Variants in CSDC2 observed in about 807,000 individuals in gnomAD.
The protein encoded by CSDC2 is cold shock domain containing C2, also known as cold shock domain-containing protein C2.
CSDC2 carries 8 observed loss-of-function variants against 15.8 expected under a neutral mutation model. The ratio of observed to expected loss-of-function variants is 0.51; its 90% CI spans 0.30 to 0.92. The LOEUF (loss-of-function observed/expected upper bound fraction) is 0.92, where lower values mean the gene tolerates loss of function less well. CSDC2 is among the 40% of genes least tolerant of loss of function. The pLI is 0.07. For synonymous variants in CSDC2, 96 were observed against 92.3 expected, an observed-to-expected ratio of 1.04 and a Z score of -0.23; for missense variants, 195 against 213.3, an observed-to-expected ratio of 0.91 and a Z score of 0.53.
chr22:41,566,926 C>CAAA (rs573857754), intron 1 of CSDC2, among the ~76,000 whole-genome samples: 8 of 65,046 alleles, frequency 1.2e-4, no homozygotes, highest in African/African-American at 5.3e-5. Context: ...TCCTCCGTCT[C>CAAA]AAAAAAAAAA....
At position 41,571,964 on chromosome 22, in the gene CSDC2, C is replaced by T. The variant is rs372621846; in HGVS notation, c.-2C>T. On this transcript the variant is annotated 5_prime_UTR_variant, in exon 2 of 4. Coordinates refer to ENST00000306149, the MANE Select transcript of CSDC2 (RefSeq NM_014460.4). ...CCACCAGGCTCTCCTGCTGGCCCCA[C>T]CATGACTTCAGAGTCGACGTCACCC... 2 of 1,340,838 alleles carry T rather than the reference C, an allele frequency of 1.5e-6. No homozygotes were observed. The highest frequency in any genetic ancestry group is 3.1e-5 in the African/African-American group (2 of 65,212). The allele number at this position is 1,340,838 out of a possible 1,614,324, so 83.1% of individuals were successfully genotyped here. A position where few individuals can be genotyped will look rare whatever the true frequency, so the allele number is the denominator to read the frequency against.
At chr22:41,566,646 A>G (rs1432665458) in intron 1 of CSDC2, among the ~76,000 whole-genome samples, 36 of 136,914 alleles carry the variant, frequency 2.6e-4, no homozygotes, top group Admixed American at 4.0e-4. Flanking sequence ...AAAAAAAAAA[A>G]AGGGGGAGGG....
intron 1 of CSDC2, among the ~76,000 whole-genome samples, chr22:41,561,407 G>A (rs1444669935): frequency 6.6e-6 from 1 of 152,114 alleles, no homozygotes; most frequent in African/African-American, 2.4e-5. Flanking sequence ...GAGCATGTCT[G>A]TGTCTGTGTC....
At chr22:41,569,167 G>A (rs1048899551) in intron 1 of CSDC2, among the ~76,000 whole-genome samples, 10 of 152,244 alleles carry the variant, frequency 6.6e-5, no homozygotes, top group Non-Finnish European at 1.5e-4. Context: ...CACCCAGGTG[G>A]GGCAGGTGGC....
chr22:41,573,248 A>G lies in CSDC2; in HGVS notation c.177-407A>G, dbSNP rs555309386. ...TGGGTGCCTGTAATCCCAGCTACTC[A>G]GGAGGCTGAGGCATGAGAATTGCTT... On this transcript the variant is annotated intron_variant, in intron 2 of 3. Transcript: ENST00000306149. 5.3e-5 allele frequency among the ~76,000 whole-genome samples: 8 copies of G among 152,004 alleles called. No homozygotes were observed. In the East Asian group the frequency reaches 1.6e-3, roughly 30 times the overall value.
At chr22:41,568,953 CGCGTCT>C (rs1172432667) in intron 1 of CSDC2, among the ~76,000 whole-genome samples, 1 of 152,242 alleles carries the variant, frequency 6.6e-6, no homozygotes, top group African/African-American at 2.4e-5. Context: ...CCAGCTCAGC[CGCGTCT>C]CCCTGGTAAC....
intron 1 of CSDC2, among the ~76,000 whole-genome samples, chr22:41,561,623 G>A (rs567926734): frequency 1.4e-4 from 21 of 152,214 alleles, no homozygotes; most frequent in Non-Finnish European, 1.6e-4. Context: ...GGAAGGGACC[G>A]GCTGGGAAAG....
rs937109910 is a variant in CSDC2 at position 41,575,491 on chromosome 22, T to G, written c.*596T>G. Reference sequence around the variant, plus strand: ...AGGCCAGCCTTCCTTCCTGCTCTGCTCTCTCAGTGCCATGGAGAGGCAGGA... The same window carrying G: ...AGGCCAGCCTTCCTTCCTGCTCTGCGCTCTCAGTGCCATGGAGAGGCAGGA... On this transcript the variant is annotated 3_prime_UTR_variant, in exon 4 of 4. Transcript: ENST00000306149. 1 of 153,276 alleles carries G rather than the reference T, an allele frequency of 6.5e-6. No homozygotes were observed. The highest frequency in any genetic ancestry group is 2.4e-5 in the African/African-American group (1 of 41,450). The allele number at this position is 153,276 out of a possible 1,614,324, so 9.5% of individuals were successfully genotyped here. A position where few individuals can be genotyped will look rare whatever the true frequency, so the allele number is the denominator to read the frequency against.
At position 41,574,734 on chromosome 22, in the gene CSDC2, A is replaced by G; in HGVS notation, c.301A>G (p.Ile101Val). The G allele has an allele frequency of 1.2e-6, 2 of 1,613,602 alleles. No individual in the cohort carries two copies. The highest frequency in any genetic ancestry group is 1.7e-6 in the Non-Finnish European group (2 of 1,179,978). ...SEDIFVHVSD[I>V]EGEYVPVEGD... ...AATACCCCTCTTCCTGCCCGCCAGCATCGAGGGGGAGTACGTGCCAGTGGA... is the reference window on the plus strand; with the variant it reads ...AATACCCCTCTTCCTGCCCGCCAGCGTCGAGGGGGAGTACGTGCCAGTGGA... Residue 101 changes from isoleucine to valine, a missense_variant and splice_region_variant, in exon 4 of 4, where the codon ATC becomes GTC. Physicochemically the swap from Ile to Val is conservative, Grantham distance 29. Coordinates refer to ENST00000306149, the MANE Select transcript of CSDC2 (RefSeq NM_014460.4).
At chr22:41,568,647 G>T (rs1046427799) in intron 1 of CSDC2, among the ~76,000 whole-genome samples, 4 of 152,210 alleles carry the variant, frequency 2.6e-5, no homozygotes, top group African/African-American at 9.6e-5. Flanking sequence ...ATGGGCGACA[G>T]GGGAGAAGCC....
intron 1 of CSDC2, among the ~76,000 whole-genome samples, chr22:41,568,247 C>G (rs1471795890): frequency 3.5e-4 from 53 of 151,240 alleles, no homozygotes; most frequent in Non-Finnish European, 2.5e-4. Context: ...ACCTTAGCCT[C>G]CTGAGTAGCT....
At chr22:41,574,356 C>T (rs1032830311) in intron 3 of CSDC2, among the ~76,000 whole-genome samples, 4 of 152,232 alleles carry the variant, frequency 2.6e-5, no homozygotes, top group Admixed American at 6.5e-5. Context: ...ACCTCCACTT[C>T]CTGGGTTCAA....
Position 41,572,110 on chromosome 22 carries a change from C to T in CSDC2, c.145C>T (p.Leu49=). The stretch of plus-strand genomic sequence containing the variant: ...CCCACCTCGGGACCTACCCAGCCCT[C>T]TGCCCACCAAGCGGACCAGGACCTA... The part of the protein sequence containing the change: ...GVPPRDLPSP[L]PTKRTRTYSA... The change falls in exon 2 of 4, where the codon CTG becomes TTG. Residue 49 remains leucine, a synonymous_variant. Coordinates refer to ENST00000306149, the MANE Select transcript of CSDC2 (RefSeq NM_014460.4). The T allele has an allele frequency of 7.4e-7, 1 of 1,350,160 alleles. No homozygotes were observed. 83.6% of individuals were successfully genotyped at this position (1,350,160 alleles called of 1,614,324 possible). A position where few individuals can be genotyped will look rare whatever the true frequency, so the allele number is the denominator to read the frequency against.
chr22:41,562,615 G>C (rs1400358405), intron 1 of CSDC2, among the ~76,000 whole-genome samples: 1 of 152,102 alleles, frequency 6.6e-6, no homozygotes, highest in Non-Finnish European at 1.5e-5. Context: ...AGCCAGTCTG[G>C]AGTAGAGCCC....
chr22:41,574,263 ATTTTAT>A (rs897372885), intron 3 of CSDC2, among the ~76,000 whole-genome samples: 8 of 148,124 alleles, frequency 5.4e-5, no homozygotes, highest in African/African-American at 2.1e-4. Flanking sequence ...GTCCCATTTT[ATTTTAT>A]TTTATTTATT....
chr22:41,575,124 C>T lies in CSDC2; in HGVS notation c.*229C>T. Reference sequence around the variant, plus strand: ...AGGAGGTAGGTGGAGGGCAAGGCCACCAGACCTGGCTTCGCGCTGTCCACT... The same window carrying T: ...AGGAGGTAGGTGGAGGGCAAGGCCATCAGACCTGGCTTCGCGCTGTCCACT... On this transcript the variant is annotated 3_prime_UTR_variant, in exon 4 of 4. Coordinates refer to ENST00000306149, the MANE Select transcript of CSDC2 (RefSeq NM_014460.4). The T allele has an allele frequency of 1.0e-5, 6 of 596,722 alleles. No individual in the cohort carries two copies. The South Asian group carries it at 1.2e-4, about 12-fold the overall frequency. 37.0% of individuals were successfully genotyped at this position (596,722 alleles called of 1,614,324 possible). A position where few individuals can be genotyped will look rare whatever the true frequency, so the allele number is the denominator to read the frequency against.
At chr22:41,569,777 C>CTTTTT (rs372029264) in intron 1 of CSDC2, among the ~76,000 whole-genome samples, 2 of 107,936 alleles carry the variant, frequency 1.9e-5, no homozygotes, top group African/African-American at 3.6e-5. Context: ...TGTGTGGTTG[C>CTTTTT]TTTTTTTTTT....
In CSDC2 at chr22:41,573,771, T is replaced by G; in HGVS notation, c.293T>G (p.Val98Gly). 1 of 1,612,378 alleles carries G rather than the reference T, an allele frequency of 6.2e-7. No individual in the cohort carries two copies. The highest frequency in any genetic ancestry group is 8.5e-7 in the Non-Finnish European group (1 of 1,178,988). ...GGGTCCGAGGACATCTTCGTACATG[T>G]GTCTGAGTGAGTCCCCTCCACCTCC... ...ENGSEDIFVH[V>G]SDIEGEYVPV... Residue 98 changes from valine (V) to glycine (G), a missense_variant, in exon 3 of 4, where the codon GTG (valine) becomes GGG (glycine). Val to Gly is a moderately radical substitution (Grantham distance 109). Transcript: ENST00000306149.
At chr22:41,566,143 T>TAAAAA (rs35579661) in intron 1 of CSDC2, among the ~76,000 whole-genome samples, 1 of 103,288 alleles carries the variant, frequency 9.7e-6, no homozygotes, top group African/African-American at 3.8e-5. Flanking sequence ...CATCTCTGAT[T>TAAAAA]AAAAAAAAAA....
Sources: gnomAD v4.1 joint callset for allele counts (sites outside exome capture counted in the v4.1 genomes callset) on GRCh38, gnomAD v4.1.1 for gene constraint, MANE v1.5 for transcripts, NCBI Gene and HGNC (gene_info 2026-07-23, HGNC 2026-07-21) for gene names.